The following COL1A1 variants were observed in gnomAD, a reference collection of about 807,000 sequenced individuals.
COL1A1 encodes collagen alpha-1(I) chain.
A neutral mutation model predicts 195.7 loss-of-function variants in COL1A1; 21 were observed. The ratio of observed to expected loss-of-function variants is 0.11; its 90% CI spans 0.08 to 0.15. The LOEUF is 0.15. Among genes scored for constraint, COL1A1 ranks in the 10% least tolerant of loss-of-function variants. The pLI, the probability that COL1A1 is intolerant of heterozygous loss-of-function variation, is 1.00. For synonymous variants in COL1A1, 749 were observed against 747.3 expected, an observed-to-expected ratio of 1.00 and a Z score of -0.04; for missense variants, 1,365 against 2,051.0, an observed-to-expected ratio of 0.67 and a Z score of 6.46.
chr17:50,191,012 C>G, intron 32 of COL1A1, 88 bp from the exon 33 acceptor site: 1 of 1,230,848 alleles, frequency 8.1e-7, no homozygotes, highest in Non-Finnish European at 1.2e-6. Flanking sequence ...TCCTGAGAGG[C>G]CCTCTGCAGC....
At position 50,189,232 on chromosome 17, in the gene COL1A1, C is replaced by T. The variant is rs72653162; in HGVS notation, c.2873G>A (p.Arg958His). 6.2e-6 allele frequency: 10 copies of T among 1,613,810 alleles called. No individual in the cohort carries two copies. The highest frequency in any genetic ancestry group is 2.7e-5 in the African/African-American group (2 of 74,870). ...CTGACCAGGCAGGCCGACCACACCACGCTGTCCAGCAATACCTTGAGGCCC... is the reference window on the plus strand; with the variant it reads ...CTGACCAGGCAGGCCGACCACACCATGCTGTCCAGCAATACCTTGAGGCCC... The part of the protein sequence containing the change: ...TPGPQGIAGQ[R>H]GVVGLPGQRG... Residue 958 changes from arginine to histidine, a missense_variant, in exon 40 of 51, where the codon CGT becomes CAT. Physicochemically the swap from Arg to His is conservative, Grantham distance 29. Coordinates refer to ENST00000225964, the MANE Select transcript of COL1A1 (RefSeq NM_000088.4). The surrounding 1 kb of genome is among the most constrained non-coding windows in gnomAD (Gnocchi z 5.5).
Position 50,196,640 on chromosome 17 carries a change from C to G in COL1A1, c.835G>C (p.Asp279His). 3.1e-6 allele frequency: 5 copies of G among 1,614,210 alleles called. No individual in the cohort carries two copies. Among genetic ancestry groups the G allele is most frequent in the Non-Finnish European group, 4.2e-6 (5 of 1,180,032 alleles). Residue 279 changes from aspartate to histidine, a missense_variant, in exon 12 of 51, where the codon GAT becomes CAT. Transcript: ENST00000225964. Reference sequence around the variant, plus strand: ...ACCTTAGGACCAGCAGGACCAGCATCTCCCTTGGCACCATCCAAACCACTG... The same window carrying G: ...ACCTTAGGACCAGCAGGACCAGCATGTCCCTTGGCACCATCCAAACCACTG... ...GFSGLDGAKG[D>H]AGPAGPKGEP...
In COL1A1 at chr17:50,186,081, G is replaced by A. The variant is rs558999752; in HGVS notation, c.4006-61C>T. 55 of 1,601,430 alleles carry A rather than the reference G, an allele frequency of 3.4e-5. No individual in the cohort carries two copies. In the Middle Eastern group the frequency reaches 7.3e-4, roughly 21 times the overall value. ...TATGCGGGAACCTCTAGTCCTGCCT[G>A]GCCTCCCTGTCCAGGGTCCTCAGAG... is the stretch of plus-strand genomic sequence containing the variant. On this transcript the variant is annotated intron_variant, in intron 49 of 50. Coordinates refer to ENST00000225964, the MANE Select transcript of COL1A1 (RefSeq NM_000088.4). This position sits in a 1 kb window ranked among gnomAD's most constrained non-coding sequence, Gnocchi z 5.3.
chr17:50,198,148 C>A lies in COL1A1; in HGVS notation c.588+13G>T. 1 of 1,614,122 alleles carries A rather than the reference C, an allele frequency of 6.2e-7. No homozygotes were observed. The highest frequency in any genetic ancestry group is 1.1e-5 in the South Asian group (1 of 91,074). On this transcript the variant is annotated intron_variant, in intron 7 of 50. Transcript: ENST00000225964. Reference sequence around the variant, plus strand: ...AGCCCAAGGAGGCATATGAAGACGTCCTGGATACTCACAGGTGCACCAGGG... The same window carrying A: ...AGCCCAAGGAGGCATATGAAGACGTACTGGATACTCACAGGTGCACCAGGG...
chr17:50,194,335 G>A lies in COL1A1; in HGVS notation c.1614+14C>T. On this transcript the variant is annotated intron_variant, in intron 23 of 50. Coordinates refer to ENST00000225964, the MANE Select transcript of COL1A1 (RefSeq NM_000088.4). This position sits in a 1 kb window ranked among gnomAD's most constrained non-coding sequence, Gnocchi z 6.8. ...AGGGCCTGGCCAAGCCAGGCTGAAA[G>A]CCTGGGGCCTCACCTTGGCACCAGG... 6.2e-7 allele frequency: 1 copy of A among 1,614,016 alleles called. No homozygotes were observed. Among genetic ancestry groups the A allele is most frequent in the Non-Finnish European group, 8.5e-7 (1 of 1,179,944 alleles).
Position 50,185,462 on chromosome 17 carries a change from T to G in COL1A1, c.*40A>C. 6.2e-7 allele frequency: 1 copy of G among 1,612,698 alleles called. No individual in the cohort carries two copies. On this transcript the variant is annotated 3_prime_UTR_variant, in exon 51 of 51. Transcript: ENST00000225964. ...GTCTGTTTCCGGGTTGGGGGGAAAG[T>G]TGGTTGGGTGGGAGGGAGCCAGGTT...
Position 50,190,909 on chromosome 17 carries a change from T to C in COL1A1, c.2251A>G (p.Lys751Glu). 1 of 1,614,066 alleles carries C rather than the reference T, an allele frequency of 6.2e-7. No homozygotes were observed. Among genetic ancestry groups the C allele is most frequent in the Non-Finnish European group, 8.5e-7 (1 of 1,179,988 alleles). ...TTGCCAGGAGAGCCATCAGCACCTT[T>C]GGGACCAGCATCACCCTAAAGACAT... The part of the protein sequence containing the change: ...PKGDRGDAGP[K>E]GADGSPGKDG... Residue 751 changes from lysine to glutamate, a missense_variant, in exon 33 of 51, where the codon AAA becomes GAA. Lys to Glu is a moderately conservative substitution (Grantham distance 56, BLOSUM62 1). Coordinates refer to ENST00000225964, the MANE Select transcript of COL1A1 (RefSeq NM_000088.4). The surrounding 1 kb of genome is among the most constrained non-coding windows in gnomAD (Gnocchi z 4.7).
At position 50,188,333 on chromosome 17, in the gene COL1A1, A is replaced by G. The variant is rs1391712023; in HGVS notation, c.3208-184T>C. 3.7e-6 allele frequency: 3 copies of G among 817,014 alleles called. No homozygotes were observed. Among genetic ancestry groups the G allele is most frequent in the African/African-American group, 1.7e-5 (1 of 57,698 alleles). 50.6% of individuals were successfully genotyped at this position (817,014 alleles called of 1,614,324 possible). ...ACGGGAGCTGGGGCCAACTCATGGG[A>G]GAGGCGGTCCTGTCTGGGAGAGGGG... On this transcript the variant is annotated intron_variant, in intron 43 of 50. Coordinates refer to ENST00000225964, the MANE Select transcript of COL1A1 (RefSeq NM_000088.4). This position sits in a 1 kb window ranked among gnomAD's most constrained non-coding sequence, Gnocchi z 5.6.
intron 1 of COL1A1, chr17:50,200,274 G>A (rs1313646132): frequency 7.3e-6 from 3 of 413,218 alleles, no homozygotes; most frequent in East Asian, 1.0e-4. Context: ...GGAGGGCGGG[G>A]GGAGAATAGG....
rs763274991 is a variant in COL1A1, at chr17:50,195,884, C to T, written c.1056+39G>A. ...AACAGGGAGACATGAACCCCTTGGCCCATGAGGGTCATGCTTAGAGGAGAG... is the reference window on the plus strand; with the variant it reads ...AACAGGGAGACATGAACCCCTTGGCTCATGAGGGTCATGCTTAGAGGAGAG... On this transcript the variant is annotated intron_variant, in intron 16 of 50. Transcript: ENST00000225964. The surrounding 1 kb of genome is among the most constrained non-coding windows in gnomAD (Gnocchi z 4.3). The T allele has an allele frequency of 1.3e-6, 2 of 1,557,420 alleles. No homozygotes were observed. The highest frequency in any genetic ancestry group is 1.7e-6 in the Non-Finnish European group (2 of 1,149,490).
intron 6 of COL1A1, 75 bp from the exon 7 acceptor site, chr17:50,198,280 G>T: frequency 3.8e-6 from 6 of 1,579,850 alleles, no homozygotes; most frequent in Non-Finnish European, 5.2e-6. Context: ...ATTCATGCCT[G>T]TTGGGACCAC....
At chr17:50,197,337 G>A in intron 9 of COL1A1, 104 bp from the exon 10 acceptor site, 2 of 1,162,186 alleles carry the variant, frequency 1.7e-6, no homozygotes, top group South Asian at 2.5e-5. Flanking sequence ...TTGCAGGTCA[G>A]GTTTGGGGGC....
At chr17:50,191,712 C>T (rs546834022) in intron 31 of COL1A1, 76 bp downstream of exon 31, 20 of 1,487,390 alleles carry the variant, frequency 1.3e-5, no homozygotes, top group Admixed American at 5.9e-5. Context: ...GGTCATGGCC[C>T]GCCATCCCCT....
rs1907233995 is a variant in COL1A1, at chr17:50,192,996, C to T, written c.1819G>A (p.Val607Ile). ...AGGGATGGAAAGGAGATACTTACGA[C>T]AGCGCCAGGGGGTCCGGGAACACCT... ...ERGVPGPPGA[V>I]GPAGKDGEAG... Residue 607 changes from valine (V) to isoleucine (I), a missense_variant and splice_region_variant, in exon 26 of 51, where the codon GTC (valine) becomes ATC (isoleucine). By Grantham distance (29) the Val-to-Ile change is conservative (BLOSUM62 3). Transcript: ENST00000225964. 1.2e-6 allele frequency: 2 copies of T among 1,614,126 alleles called. No individual in the cohort carries two copies. Among genetic ancestry groups the T allele is most frequent in the East Asian group, 2.2e-5 (1 of 44,882 alleles).
In COL1A1 at chr17:50,191,941, G is replaced by A. The variant is rs2857396; in HGVS notation, c.2028+39C>T. 1,359,462 of 1,609,862 alleles carry A rather than the reference G, an allele frequency of 0.84. 575,076 individuals carry two copies. Among genetic ancestry groups the A allele is most frequent in the East Asian group, 0.99 (44,211 of 44,820 alleles). The stretch of plus-strand genomic sequence containing the variant: ...CTGCTCTGGAGATAGGGCCAAGTAC[G>A]ACGCACCTTGACGGATGCAGCGAGA... On this transcript the variant is annotated intron_variant, in intron 30 of 50. Coordinates refer to ENST00000225964, the MANE Select transcript of COL1A1 (RefSeq NM_000088.4).
At position 50,198,189 on chromosome 17, in the gene COL1A1, C is replaced by T. The variant is rs377161165; in HGVS notation, c.560G>A (p.Arg187His). 1.9e-6 allele frequency: 3 copies of T among 1,614,000 alleles called. No individual in the cohort carries two copies. The highest frequency in any genetic ancestry group is 2.5e-6 in the Non-Finnish European group (3 of 1,179,986). The change falls in exon 7 of 51, where the codon CGT becomes CAT. Residue 187 changes from arginine (R) to histidine (H), a missense_variant. Transcript: ENST00000225964. ...TGCACCAGGGGGGCCAGGGAGACCA[C>T]GAGGACCAGAGGGACCCTATAGAGG... ...VPGPMGPSGP[R>H]GLPGPPGAPG...
intron 1 of COL1A1, among the ~76,000 whole-genome samples, chr17:50,200,637 T>C (rs1908002037): frequency 6.6e-6 from 1 of 151,940 alleles, no homozygotes; most frequent in Non-Finnish European, 1.5e-5. Flanking sequence ...AGCTAACCAC[T>C]CCCACCGCGC....
rs768894081 is a variant in COL1A1, at chr17:50,197,732, A to G, written c.696T>C (p.Asp232=). The G allele has an allele frequency of 1.3e-6, 2 of 1,588,026 alleles. No homozygotes were observed. Among genetic ancestry groups the G allele is most frequent in the South Asian group, 1.2e-5 (1 of 86,790 alleles). The change falls in exon 9 of 51, where the codon GAT becomes GAC. Residue 232 remains aspartate (D), a splice_region_variant and synonymous_variant. Transcript: ENST00000225964. ...GTATCTTCTTGCTGGGGATACTTAC[A>G]TCATCTCCATTCTTTCCAGGGGGAC... is the stretch of plus-strand genomic sequence containing the variant. ...PPGPPGKNGD[D]GEAGKPGRPG...
rs767338988 is a variant in COL1A1 at position 50,190,276 on chromosome 17, G to A, written c.2451+51C>T. 12 of 1,395,186 alleles carry A rather than the reference G, an allele frequency of 8.6e-6. No individual in the cohort carries two copies. Among genetic ancestry groups the A allele is most frequent in the Non-Finnish European group, 1.1e-5 (11 of 980,384 alleles). 86.4% of individuals were successfully genotyped at this position (1,395,186 alleles called of 1,614,324 possible). A position where few individuals can be genotyped will look rare whatever the true frequency, so the allele number is the denominator to read the frequency against. ...CCTTTGTCCTCATTCCGTCCCTCGA[G>A]GTCCCAGGTCCCAGTCGGTGATGAA... On this transcript the variant is annotated intron_variant, in intron 35 of 50. Transcript: ENST00000225964. The surrounding 1 kb of genome is among the most constrained non-coding windows in gnomAD (Gnocchi z 4.7).
Sources: gnomAD v4.1 joint callset for allele counts (sites outside exome capture counted in the v4.1 genomes callset) on GRCh38, gnomAD v4.1.1 for gene constraint, Gnocchi (gnomAD v3.1) non-coding constraint, MANE v1.5 for transcripts, NCBI Gene and HGNC (gene_info 2026-07-23, HGNC 2026-07-21) for gene names.